Variants in HCN1 observed in about 807,000 individuals in gnomAD.
HCN1 encodes the protein potassium/sodium hyperpolarization-activated cyclic nucleotide-gated channel 1.
In HCN1, 13 loss-of-function variants were observed where a neutral mutation model predicts 78.9. The observed-to-expected ratio is 0.16, with a 90% CI of 0.11 to 0.26. HCN1 has a LOEUF of 0.26. Among genes scored for constraint, HCN1 ranks in the 10% least tolerant of loss-of-function variants. HCN1 has a pLI of 1.00. For synonymous variants in HCN1, 552 were observed against 455.5 expected, an observed-to-expected ratio of 1.21 and a Z score of -2.70; for missense variants, 810 against 1,154.3, an observed-to-expected ratio of 0.70 and a Z score of 4.32.
At chr5:45,624,235 A>C (rs1745120885) in intron 2 of HCN1, among the ~76,000 whole-genome samples, 1 of 152,218 alleles carries the variant, frequency 6.6e-6, no homozygotes, top group African/African-American at 2.4e-5. Flanking sequence ...ATGAAACATA[A>C]GCCTAAGTAT....
At chr5:45,430,267 C>T (rs1198608282) in intron 3 of HCN1, among the ~76,000 whole-genome samples, 2 of 151,954 alleles carry the variant, frequency 1.3e-5, no homozygotes, top group African/African-American at 4.8e-5. Context: ...GTGGTAAGAC[C>T]ATGTTATAGT....
intron 1 of HCN1, among the ~76,000 whole-genome samples, chr5:45,674,437 T>A (rs1580042660): frequency 6.6e-6 from 1 of 151,696 alleles, no homozygotes; most frequent in South Asian, 2.1e-4. Context: ...TATCTACATA[T>A]ACACAGTATT....
chr5:45,316,125 G>C (rs960658902), intron 5 of HCN1, among the ~76,000 whole-genome samples: 3 of 152,120 alleles, frequency 2.0e-5, no homozygotes, highest in Non-Finnish European at 4.4e-5. Flanking sequence ...GAGAATTTTA[G>C]ACCAATATCC....
At chr5:45,512,084 T>C (rs1742427871) in intron 2 of HCN1, among the ~76,000 whole-genome samples, 1 of 152,100 alleles carries the variant, frequency 6.6e-6, no homozygotes. Context: ...TGTAAGGCTC[T>C]GTGTGAGCAA....
intron 2 of HCN1, among the ~76,000 whole-genome samples, chr5:45,581,097 C>A (rs1744060324): frequency 6.6e-6 from 1 of 152,188 alleles, no homozygotes; most frequent in Non-Finnish European, 1.5e-5. Context: ...GTTCTAGATC[C>A]TTGAGCAATC....
At chr5:45,650,876 T>A (rs1350800061) in intron 1 of HCN1, among the ~76,000 whole-genome samples, 1 of 151,958 alleles carries the variant, frequency 6.6e-6, no homozygotes, top group East Asian at 1.9e-4. Flanking sequence ...TTCTTAAGGT[T>A]TCCCAGCCCC....
At chr5:45,427,835 C>G (rs72762052) in intron 3 of HCN1, among the ~76,000 whole-genome samples, 1 of 151,946 alleles carries the variant, frequency 6.6e-6, no homozygotes, top group Non-Finnish European at 1.5e-5. Flanking sequence ...TATTCAGGTC[C>G]TTGCTCAACT....
chr5:45,255,850 T>G lies in HCN1; in HGVS notation c.*6071A>C, dbSNP rs982359534. The G allele has an allele frequency of 6.6e-6, 1 of 151,966 alleles. No individual in the cohort carries two copies. The highest frequency in any genetic ancestry group is 1.5e-5 in the Non-Finnish European group (1 of 68,014). The allele number at this position is 151,966 out of a possible 1,614,324, so 9.4% of individuals were successfully genotyped here. On this transcript the variant is annotated 3_prime_UTR_variant, in exon 8 of 8. Transcript: ENST00000303230. ...CTCTTTGCCTCTACACATCTGAATA[T>G]TCTCTGTAGAAAACGATGCAACCTG...
chr5:45,657,303 T>C (rs1030596408), intron 1 of HCN1, among the ~76,000 whole-genome samples: 4 of 152,344 alleles, frequency 2.6e-5, no homozygotes, highest in Admixed American at 1.3e-4. Context: ...AACTCATGTA[T>C]GTATGTTTCT....
At chr5:45,496,716 C>A (rs1287279448) in intron 2 of HCN1, among the ~76,000 whole-genome samples, 3 of 152,028 alleles carry the variant, frequency 2.0e-5, no homozygotes, top group African/African-American at 7.2e-5. Flanking sequence ...CAGTTCTGCT[C>A]TGATTTTAGT....
chr5:45,326,794 G>C (rs933806249), intron 5 of HCN1, among the ~76,000 whole-genome samples: 16 of 151,654 alleles, frequency 1.1e-4, no homozygotes, highest in Non-Finnish European at 2.1e-4. Flanking sequence ...TAATCACATA[G>C]AAACTTTACA....
rs1439896407 is a variant in HCN1, at chr5:45,255,834, T to G, written c.*6087A>C. 2 of 152,144 alleles carry G rather than the reference T, an allele frequency of 1.3e-5. No homozygotes were observed. Among genetic ancestry groups the G allele is most frequent in the Non-Finnish European group, 2.9e-5 (2 of 68,024 alleles). 9.4% of individuals were successfully genotyped at this position (152,144 alleles called of 1,614,324 possible). On this transcript the variant is annotated 3_prime_UTR_variant, in exon 8 of 8. Coordinates refer to ENST00000303230, the MANE Select transcript of HCN1 (RefSeq NM_021072.4). ...AACCTTTCAAGAAAGTCTCTTTGCC[T>G]CTACACATCTGAATATTCTCTGTAG...
intron 3 of HCN1, among the ~76,000 whole-genome samples, chr5:45,451,225 AT>A (rs1178675505): frequency 1.3e-5 from 2 of 152,092 alleles, no homozygotes; most frequent in Non-Finnish European, 2.9e-5. Flanking sequence ...TTTTAACATG[AT>A]CCTTTGTATA....
At chr5:45,635,911 G>A (rs73103088) in intron 2 of HCN1, among the ~76,000 whole-genome samples, 92 of 152,208 alleles carry the variant, frequency 6.0e-4, no homozygotes, top group African/African-American at 2.0e-3. Context: ...TTGAAATAAA[G>A]CAGGCATAAT....
At chr5:45,425,077 G>A (rs192603180) in intron 3 of HCN1, among the ~76,000 whole-genome samples, 31 of 152,222 alleles carry the variant, frequency 2.0e-4, no homozygotes, top group Middle Eastern at 3.4e-3. Context: ...ATAATGCCTG[G>A]CACACTGTAA....
At chr5:45,566,293 A>G (rs534814551) in intron 2 of HCN1, among the ~76,000 whole-genome samples, 1 of 152,238 alleles carries the variant, frequency 6.6e-6, no homozygotes, top group African/African-American at 2.4e-5. Context: ...TAGGAAAGGT[A>G]TTTTATTTAA....
In HCN1 at chr5:45,551,220, A is replaced by C. The variant is rs141072640; in HGVS notation, c.850-89213T>G. On this transcript the variant is annotated intron_variant, in intron 2 of 7. Transcript: ENST00000303230. ...GAATTTTCTGCCCAATTTCCTGGCT[A>C]GGTATTACAATGAAGAATTGGTCAG... 3.4e-4 allele frequency among the ~76,000 whole-genome samples: 51 copies of C among 152,096 alleles called. 1 individual carries two copies. The highest frequency in any genetic ancestry group is 1.2e-3 in the African/African-American group (51 of 41,548).
intron 2 of HCN1, among the ~76,000 whole-genome samples, chr5:45,504,228 C>A (rs1742248973): frequency 6.6e-6 from 1 of 152,018 alleles, no homozygotes; most frequent in African/African-American, 2.4e-5. Flanking sequence ...TTAGGTATAT[C>A]TCCTAATGCT....
intron 4 of HCN1, among the ~76,000 whole-genome samples, chr5:45,371,986 A>T (rs1364733237): frequency 1.5e-4 from 1 of 6,562 alleles, no homozygotes; most frequent in African/African-American, 5.9e-4. Context: ...TATATTATAT[A>T]TAATGTAATA....
Sources: allele counts gnomAD v4.1 joint callset (sites outside exome capture counted in the v4.1 genomes callset), GRCh38; gene constraint gnomAD v4.1.1; transcripts MANE v1.5; gene names NCBI Gene and HGNC (gene_info 2026-07-23, HGNC 2026-07-21).